The following PRKCA variants were observed in gnomAD, a reference collection of about 807,000 sequenced individuals.
PRKCA encodes protein kinase C alpha type.
PRKCA carries 27 observed loss-of-function variants against 87.0 expected under a neutral mutation model. The observed-to-expected ratio is 0.31, with a 90% CI of 0.23 to 0.43. The LOEUF (loss-of-function observed/expected upper bound fraction) is 0.43. Ranked by LOEUF, PRKCA falls within the 20% of genes least tolerant of loss-of-function variation. The pLI is 1.00. For missense variants in PRKCA, 518 were observed against 852.3 expected (o/e 0.61, Z 4.88); for synonymous variants, 329 against 311.1 (o/e 1.06, Z -0.61).
intron 14 of PRKCA, among the ~76,000 whole-genome samples, chr17:66,786,151 G>A (rs1975387610): frequency 6.6e-6 from 1 of 152,196 alleles, no homozygotes; most frequent in Non-Finnish European, 1.5e-5. Context: ...TTTAAAGAAC[G>A]AAGTCATTTG....
At chr17:66,580,454 G>A (rs911945433) in intron 3 of PRKCA, among the ~76,000 whole-genome samples, 3 of 152,128 alleles carry the variant, frequency 2.0e-5, no homozygotes. Flanking sequence ...GCCCCTCTTG[G>A]CTCTCCATAT....
intron 5 of PRKCA, among the ~76,000 whole-genome samples, chr17:66,678,064 G>A (rs1345403246): frequency 3.3e-5 from 5 of 152,182 alleles, no homozygotes; most frequent in Non-Finnish European, 7.3e-5. Context: ...TTGGAAAAAG[G>A]GTCTTTGCAA....
chr17:66,533,396 T>A (rs79008223), intron 3 of PRKCA, among the ~76,000 whole-genome samples: 4,594 of 152,322 alleles, frequency 0.03, 236 homozygotes, highest in African/African-American at 0.1. Context: ...ACTGCATCCC[T>A]TTTTGGAGCT....
chr17:66,397,275 C>CTTTTTTTTT (rs57003663), intron 2 of PRKCA, among the ~76,000 whole-genome samples: 1 of 93,718 alleles, frequency 1.1e-5, no homozygotes, highest in Non-Finnish European at 2.0e-5. Flanking sequence ...CCAGTGTAGA[C>CTTTTTTTTT]TTTTTTTTTT....
At chr17:66,654,421 C>CATCAGCAG (rs34737326) in intron 5 of PRKCA, among the ~76,000 whole-genome samples, 1 of 151,600 alleles carries the variant, frequency 6.6e-6, no homozygotes, top group South Asian at 2.1e-4. Flanking sequence ...ATCATCATCA[C>CATCAGCAG]CAGCAGCAGC....
At position 66,602,729 on chromosome 17, in the gene PRKCA, C is replaced by T. The variant is rs533943340; in HGVS notation, c.289-38626C>T. Among the ~76,000 whole-genome samples the T allele has an allele frequency of 3.3e-5, 5 of 152,198 alleles. 1 individual carries two copies. The East Asian group carries it at 7.7e-4, about 23-fold the overall frequency. ...TAGCAGGCGTGGAGCGCTCAGGTTT[C>T]ACGGGTGGCCTTGGAGGTTCTGGCT... is the stretch of plus-strand genomic sequence containing the variant. On this transcript the variant is annotated intron_variant, in intron 3 of 16. Coordinates refer to ENST00000413366, the MANE Select transcript of PRKCA (RefSeq NM_002737.3).
At chr17:66,566,485 T>TTTTG (rs1968899746) in intron 3 of PRKCA, among the ~76,000 whole-genome samples, 1 of 145,698 alleles carries the variant, frequency 6.9e-6, no homozygotes, top group African/African-American at 2.6e-5. Flanking sequence ...TTTTGGTTTT[T>TTTTG]TTTTTTTTTT....
intron 3 of PRKCA, among the ~76,000 whole-genome samples, chr17:66,605,311 G>A (rs1477261968): frequency 6.6e-6 from 1 of 152,162 alleles, no homozygotes; most frequent in African/African-American, 2.4e-5. Context: ...AGACCTGTGG[G>A]ACTCCAAAGC....
intron 2 of PRKCA, among the ~76,000 whole-genome samples, chr17:66,436,360 A>G (rs187096481): frequency 6.0e-4 from 91 of 152,238 alleles, no homozygotes; most frequent in African/African-American, 2.0e-3. Flanking sequence ...AGCTTTTGCA[A>G]CCTTGACCAA....
intron 16 of PRKCA, among the ~76,000 whole-genome samples, chr17:66,802,003 T>A (rs1010875156): frequency 1.3e-5 from 2 of 152,208 alleles, no homozygotes; most frequent in African/African-American, 4.8e-5. Context: ...AGCAGATTGC[T>A]TGAGCCCAGG....
intron 8 of PRKCA, among the ~76,000 whole-genome samples, chr17:66,725,163 G>A (rs1322727064): frequency 6.6e-6 from 1 of 152,194 alleles, no homozygotes; most frequent in Non-Finnish European, 1.5e-5. Flanking sequence ...GCACTTCTCT[G>A]TGGCTGTCCC....
At chr17:66,713,339 C>T (rs1475406067) in intron 8 of PRKCA, among the ~76,000 whole-genome samples, 8 of 152,040 alleles carry the variant, frequency 5.3e-5, no homozygotes, top group African/African-American at 1.9e-4. Flanking sequence ...CGTGAGCCAC[C>T]GCATCCGACC....
intron 8 of PRKCA, among the ~76,000 whole-genome samples, chr17:66,730,688 T>G (rs1328162885): frequency 6.6e-6 from 1 of 152,246 alleles, no homozygotes; most frequent in Non-Finnish European, 1.5e-5. Flanking sequence ...TTGTTGATTT[T>G]GGCGGGTTTT....
At chr17:66,749,467 A>G (rs1371734718) in intron 13 of PRKCA, among the ~76,000 whole-genome samples, 1 of 152,100 alleles carries the variant, frequency 6.6e-6, no homozygotes, top group Admixed American at 6.6e-5. Flanking sequence ...TGGTGACCCT[A>G]TTTGAACCTG....
intron 2 of PRKCA, among the ~76,000 whole-genome samples, chr17:66,383,128 A>C (rs1909863552): frequency 7.7e-6 from 1 of 130,482 alleles, no homozygotes; most frequent in Admixed American, 7.4e-5. Context: ...CATATATTCT[A>C]ATTTACTGCT....
In PRKCA at chr17:66,792,577, G is replaced by A. The variant is rs769501865; in HGVS notation, c.1854+3598G>A. Among the ~76,000 whole-genome samples the A allele has an allele frequency of 3.3e-5, 5 of 152,178 alleles. No individual in the cohort carries two copies. Among genetic ancestry groups the A allele is most frequent in the African/African-American group, 4.8e-5 (2 of 41,438 alleles). ...TAGACCGCAGTGCCATGCAAAATGC[G>A]ATCCCAGCGCAAAAAGCATCTCACA... On this transcript the variant is annotated intron_variant, in intron 16 of 16. Coordinates refer to ENST00000413366, the MANE Select transcript of PRKCA (RefSeq NM_002737.3). The surrounding 1 kb of genome is among the most constrained non-coding windows in gnomAD (Gnocchi z 4.5).
chr17:66,573,093 T>A (rs1201072304), intron 3 of PRKCA, among the ~76,000 whole-genome samples: 1 of 152,142 alleles, frequency 6.6e-6, no homozygotes, highest in African/African-American at 2.4e-5. Context: ...TTATGATATT[T>A]TATATAGAAA....
chr17:66,469,369 A>C (rs2144006652), intron 2 of PRKCA, among the ~76,000 whole-genome samples: 1 of 152,320 alleles, frequency 6.6e-6, no homozygotes, highest in African/African-American at 2.4e-5. Flanking sequence ...TAAAAACAAA[A>C]CAAAACAAAA....
At chr17:66,435,191 C>A (rs973052734) in intron 2 of PRKCA, among the ~76,000 whole-genome samples, 1 of 152,206 alleles carries the variant, frequency 6.6e-6, no homozygotes. Flanking sequence ...GCTAGTGCTG[C>A]ATCCAGGGGT....
Sources: gnomAD v4.1 joint callset for allele counts (sites outside exome capture counted in the v4.1 genomes callset) on GRCh38, gnomAD v4.1.1 for gene constraint, Gnocchi (gnomAD v3.1) non-coding constraint, MANE v1.5 for transcripts, NCBI Gene and HGNC (gene_info 2026-07-23, HGNC 2026-07-21) for gene names.